ADGRB3: variants seen among roughly 807,000 people sequenced by gnomAD.
ADGRB3 encodes the protein adhesion G protein-coupled receptor B3, also known as brain-specific angiogenesis inhibitor 3.
Under a neutral mutation model 193.4 loss-of-function variants are expected in ADGRB3, and 37 were observed. The ratio of observed to expected loss-of-function variants is 0.19; its 90% CI spans 0.15 to 0.25. The LOEUF (loss-of-function observed/expected upper bound fraction) is 0.25. ADGRB3 is among the 10% of genes least tolerant of loss of function. The pLI, the probability that ADGRB3 is intolerant of heterozygous loss-of-function variation, is 1.00. For synonymous variants in ADGRB3, 690 were observed against 644.2 expected, an observed-to-expected ratio of 1.07 and a Z score of -1.08; for missense variants, 1,637 against 1,852.9, an observed-to-expected ratio of 0.88 and a Z score of 2.14.
chr6:68,736,229 G>A (rs1213544978), intron 3 of ADGRB3, among the ~76,000 whole-genome samples: 1 of 151,900 alleles, frequency 6.6e-6, no homozygotes, highest in African/African-American at 2.4e-5. Flanking sequence ...TTGTTGCCCA[G>A]GCTAATCTCA....
chr6:69,065,762 T>TACACACACACACAC (rs1307673486), intron 16 of ADGRB3, among the ~76,000 whole-genome samples: 3 of 124,766 alleles, frequency 2.4e-5, no homozygotes, highest in South Asian at 2.6e-4. Flanking sequence ...CATGTATATA[T>TACACACACACACAC]ATACACACAC....
chr6:69,232,623 A>G (rs1395620854), intron 17 of ADGRB3: 2 of 1,535,542 alleles, frequency 1.3e-6, no homozygotes, highest in Admixed American at 2.0e-5. Context: ...TGGAGTAGGA[A>G]GCTTAGGTCT....
intron 20 of ADGRB3, among the ~76,000 whole-genome samples, chr6:69,265,556 C>A (rs1177486123): frequency 1.3e-5 from 2 of 151,862 alleles, no homozygotes; most frequent in African/African-American, 2.4e-5. Flanking sequence ...GTGAAAGCCT[C>A]TAAATTGAAT....
intron 20 of ADGRB3, among the ~76,000 whole-genome samples, chr6:69,282,144 TC>T (rs1362302248): frequency 1.3e-5 from 2 of 152,116 alleles, no homozygotes; most frequent in African/African-American, 4.8e-5. Context: ...CTCTGTTTTC[TC>T]AAGAGCAATG....
At chr6:68,636,065 T>G (rs2127272478) in intron 1 of ADGRB3, 65 bp downstream of exon 1, 1 of 152,810 alleles carries the variant, frequency 6.5e-6, no homozygotes, top group South Asian at 2.1e-4. Context: ...AGCTTTGGGC[T>G]TAATGTTTGA....
At chr6:68,859,397 T>G (rs1765084873) in intron 3 of ADGRB3, among the ~76,000 whole-genome samples, 1 of 152,172 alleles carries the variant, frequency 6.6e-6, no homozygotes, top group African/African-American at 2.4e-5. Context: ...TCCACATTTT[T>G]GGGTATCTTT....
At chr6:68,902,703 C>T (rs772263253) in intron 3 of ADGRB3, among the ~76,000 whole-genome samples, 2 of 151,926 alleles carry the variant, frequency 1.3e-5, no homozygotes, top group Non-Finnish European at 2.9e-5. Context: ...CATGTAACCA[C>T]ATATAATCAT....
chr6:69,231,603 A>G (rs1260038632), intron 17 of ADGRB3, among the ~76,000 whole-genome samples: 4 of 152,200 alleles, frequency 2.6e-5, no homozygotes, highest in African/African-American at 7.2e-5. Flanking sequence ...AAGTAAATTG[A>G]TGTGCTGCTA....
intron 13 of ADGRB3, among the ~76,000 whole-genome samples, chr6:69,047,830 T>C (rs1450809687): frequency 1.3e-5 from 2 of 152,184 alleles, no homozygotes; most frequent in Admixed American, 1.3e-4. Context: ...TTCAAGTCTG[T>C]TAATCAGAAT....
rs1031576798 is a variant in ADGRB3 at position 68,842,515 on chromosome 6, G to A, written c.758-88044G>A. ...GAATAGATTAAGTAACCAGATCAAG[G>A]CCATAAGAAAAGGCCTCCCAGGAAA... On this transcript the variant is annotated intron_variant, in intron 3 of 31. Transcript: ENST00000370598. Among the ~76,000 whole-genome samples, 7 of 151,816 alleles carry A rather than the reference G, an allele frequency of 4.6e-5. No homozygotes were observed. In the East Asian group the frequency reaches 7.7e-4, roughly 17 times the overall value.
At chr6:69,293,593 T>G (rs1480389128) in intron 20 of ADGRB3, among the ~76,000 whole-genome samples, 1 of 152,166 alleles carries the variant, frequency 6.6e-6, no homozygotes, top group East Asian at 1.9e-4. Flanking sequence ...CTTGGCTCCA[T>G]TTCGTTCTCT....
At chr6:68,645,352 A>T (rs1375994988) in intron 3 of ADGRB3, among the ~76,000 whole-genome samples, 4 of 152,192 alleles carry the variant, frequency 2.6e-5, no homozygotes, top group Non-Finnish European at 4.4e-5. Flanking sequence ...TATGAAAAAA[A>T]TTAATAAAAT....
intron 11 of ADGRB3, among the ~76,000 whole-genome samples, chr6:69,005,395 T>C (rs1343794795): frequency 6.6e-6 from 1 of 151,870 alleles, no homozygotes. Flanking sequence ...CCATCTGAGC[T>C]ATTCTGAGAC....
chr6:69,068,268 T>G (rs1214051680), intron 16 of ADGRB3, among the ~76,000 whole-genome samples: 2 of 152,184 alleles, frequency 1.3e-5, no homozygotes, highest in African/African-American at 4.8e-5. Context: ...CGCATATGTG[T>G]GTTACATGTC....
intron 3 of ADGRB3, among the ~76,000 whole-genome samples, chr6:68,909,448 A>G (rs1766638623): frequency 6.6e-6 from 1 of 152,158 alleles, no homozygotes; most frequent in Non-Finnish European, 1.5e-5. Flanking sequence ...CTACTTCCTC[A>G]TCTCTACATT....
chr6:69,016,128 A>G (rs1770082795), intron 12 of ADGRB3, among the ~76,000 whole-genome samples: 1 of 151,982 alleles, frequency 6.6e-6, no homozygotes, highest in African/African-American at 2.4e-5. Flanking sequence ...CGACAAGGAA[A>G]GAGTTGCATT....
chr6:69,358,025 T>C (rs1284725896), intron 28 of ADGRB3, among the ~76,000 whole-genome samples: 2 of 151,982 alleles, frequency 1.3e-5, no homozygotes, highest in Non-Finnish European at 2.9e-5. Flanking sequence ...TTACAATGAA[T>C]AAGTATTCAT....
At chr6:69,371,216 T>C (rs1769699931) in intron 29 of ADGRB3, among the ~76,000 whole-genome samples, 1 of 152,144 alleles carries the variant, frequency 6.6e-6, no homozygotes, top group African/African-American at 2.4e-5. Context: ...TTCTGTCTAC[T>C]GAAACGTGGT....
At chr6:69,067,044 A>C (rs576033458) in intron 16 of ADGRB3, among the ~76,000 whole-genome samples, 1 of 152,264 alleles carries the variant, frequency 6.6e-6, no homozygotes, top group South Asian at 2.1e-4. Flanking sequence ...CTCATGCTCT[A>C]TCAACTTTGC....
Sources: allele counts gnomAD v4.1 joint callset (sites outside exome capture counted in the v4.1 genomes callset), GRCh38; gene constraint gnomAD v4.1.1; transcripts MANE v1.5; gene names NCBI Gene and HGNC (gene_info 2026-07-23, HGNC 2026-07-21).